Variants in COL24A1 observed in about 807,000 individuals in gnomAD.
COL24A1 encodes the protein collagen type XXIV alpha 1 chain.
COL24A1 carries 224 observed loss-of-function variants against 253.9 expected under a neutral mutation model. The observed-to-expected ratio is 0.88, with a 90% CI of 0.79 to 0.99. The LOEUF is 0.99. Among genes scored for constraint, COL24A1 ranks in the 50% least tolerant of loss-of-function variants. The pLI, the probability that COL24A1 is intolerant of heterozygous loss-of-function variation, is 0.00. For missense variants in COL24A1, 2,131 were observed against 2,068.5 expected, an observed-to-expected ratio of 1.03 and a Z score of -0.59; for synonymous variants, 685 against 673.7, an observed-to-expected ratio of 1.02 and a Z score of -0.26.
chr1:86,144,856 A>G (rs1199890225), intron 2 of COL24A1, among the ~76,000 whole-genome samples: 1 of 152,140 alleles, frequency 6.6e-6, no homozygotes, highest in Non-Finnish European at 1.5e-5. Context: ...CTAATAGCAC[A>G]GTGACTAGTA....
At chr1:85,744,890 G>A in intron 56 of COL24A1, 56 bp from the exon 57 acceptor site, 1 of 1,337,812 alleles carries the variant, frequency 7.5e-7, no homozygotes, top group African/African-American at 1.5e-5. Flanking sequence ...ACCAACATGG[G>A]CCAAGGCAGG....
At chr1:85,908,775 G>C (rs993949749) in intron 26 of COL24A1, 124 bp from the exon 27 acceptor site, 1 of 437,336 alleles carries the variant, frequency 2.3e-6, no homozygotes, top group African/African-American at 2.0e-5. Flanking sequence ...TGTTTCTTTT[G>C]TAACCAAGAT....
intron 26 of COL24A1, 77 bp downstream of exon 26, chr1:85,909,873 A>G: frequency 8.6e-7 from 1 of 1,160,848 alleles, no homozygotes; most frequent in Non-Finnish European, 1.3e-6. Flanking sequence ...ATTCCAGCCC[A>G]GGCAATTCCA....
chr1:86,066,569 G>A (rs938659222), intron 7 of COL24A1, among the ~76,000 whole-genome samples: 3 of 151,816 alleles, frequency 2.0e-5, no homozygotes, highest in East Asian at 1.9e-4. Flanking sequence ...CCCTTTCTAC[G>A]CAATCCGAAG....
intron 7 of COL24A1, among the ~76,000 whole-genome samples, chr1:86,083,287 G>A (rs1702805890): frequency 6.7e-6 from 1 of 149,574 alleles, no homozygotes; most frequent in Non-Finnish European, 1.5e-5. Flanking sequence ...GACAGAGCGA[G>A]GCTCCGTCTC....
intron 24 of COL24A1, among the ~76,000 whole-genome samples, chr1:85,944,205 T>C (rs1479611981): frequency 1.3e-5 from 2 of 152,224 alleles, no homozygotes; most frequent in Non-Finnish European, 2.9e-5. Flanking sequence ...ATGAGTGCAG[T>C]TATAAAGCTG....
At chr1:85,790,738 T>C (rs1215696655) in intron 47 of COL24A1, among the ~76,000 whole-genome samples, 1 of 152,224 alleles carries the variant, frequency 6.6e-6, no homozygotes, top group African/African-American at 2.4e-5. Flanking sequence ...TTAGGCACCA[T>C]GGAAAATGAA....
At chr1:85,758,884 G>A (rs925471763) in intron 55 of COL24A1, among the ~76,000 whole-genome samples, 5 of 152,052 alleles carry the variant, frequency 3.3e-5, no homozygotes, top group African/African-American at 1.2e-4. Context: ...ATACAATTCA[G>A]TTGTCTTTAG....
chr1:85,768,871 T>C (rs1667658341), intron 53 of COL24A1, among the ~76,000 whole-genome samples: 1 of 152,244 alleles, frequency 6.6e-6, no homozygotes, highest in Admixed American at 6.5e-5. Context: ...GTGTTAATTA[T>C]GTATCCGGTG....
At chr1:85,758,324 A>G (rs1666487256) in intron 55 of COL24A1, among the ~76,000 whole-genome samples, 2 of 152,172 alleles carry the variant, frequency 1.3e-5, no homozygotes, top group African/African-American at 4.8e-5. Context: ...CAGTTGACCC[A>G]TTAATTGGAA....
intron 1 of COL24A1, among the ~76,000 whole-genome samples, chr1:86,150,157 C>T (rs1364742498): frequency 6.6e-6 from 1 of 152,152 alleles, no homozygotes; most frequent in African/African-American, 2.4e-5. Context: ...TAAGTACACC[C>T]AAAGCCTAAT....
intron 5 of COL24A1, among the ~76,000 whole-genome samples, chr1:86,100,062 CA>C (rs1285205510): frequency 6.6e-6 from 1 of 152,024 alleles, no homozygotes; most frequent in Non-Finnish European, 1.5e-5. Flanking sequence ...TTCACAATAG[CA>C]AAGACTTGGA....
At chr1:85,986,365 T>A (rs980328345) in intron 20 of COL24A1, among the ~76,000 whole-genome samples, 3 of 151,748 alleles carry the variant, frequency 2.0e-5, no homozygotes, top group Admixed American at 1.3e-4. Flanking sequence ...CTTTAAACCA[T>A]CCTCCAAACT....
At position 85,776,962 on chromosome 1, in the gene COL24A1, T is replaced by TATTA. The variant is rs1375949792; in HGVS notation, c.4339-1254_4339-1253insTAAT. Among the ~76,000 whole-genome samples the TATTA allele has an allele frequency of 8.3e-3, 1,257 of 151,286 alleles. 7 individuals are homozygous for TATTA. The highest frequency in any genetic ancestry group is 0.02 in the Admixed American group (310 of 15,198). On this transcript the variant is annotated intron_variant, in intron 52 of 59. Coordinates refer to ENST00000370571, the MANE Select transcript of COL24A1 (RefSeq NM_152890.7). ...TTATTTATTTATTTACTTATTTTTTTTTTTTTGAGAAGGAGTCTCGCTCTG... is the reference window on the plus strand; with the variant it reads ...TTATTTATTTATTTACTTATTTTTTTATTATTTTTTGAGAAGGAGTCTCGCTCTG...
rs1045422622 is a variant in COL24A1 at position 85,729,296 on chromosome 1, T to G, written c.*1250A>C. On this transcript the variant is annotated 3_prime_UTR_variant, in exon 60 of 60. Transcript: ENST00000370571. Reference sequence around the variant, plus strand: ...TGGTTTGCTGTGGCTAAAGATATATTTATAATGGATGAACAAGCTTTTCTA... The same window carrying G: ...TGGTTTGCTGTGGCTAAAGATATATGTATAATGGATGAACAAGCTTTTCTA... 1 of 152,174 alleles carries G rather than the reference T, an allele frequency of 6.6e-6. No homozygotes were observed. The highest frequency in any genetic ancestry group is 1.5e-5 in the Non-Finnish European group (1 of 68,020). 9.4% of individuals were successfully genotyped at this position (152,174 alleles called of 1,614,324 possible). A position where few individuals can be genotyped will look rare whatever the true frequency, so the allele number is the denominator to read the frequency against.
chr1:85,808,593 CT>C (rs760567153), intron 47 of COL24A1, among the ~76,000 whole-genome samples: 14 of 152,178 alleles, frequency 9.2e-5, no homozygotes, highest in Non-Finnish European at 1.9e-4. Context: ...GAGCAGATAT[CT>C]TTATATTCTG....
chr1:85,965,286 A>G (rs893178293), intron 22 of COL24A1, among the ~76,000 whole-genome samples: 4 of 152,080 alleles, frequency 2.6e-5, no homozygotes, highest in Non-Finnish European at 4.4e-5. Flanking sequence ...CGAGGACTGC[A>G]CTGAACATAC....
intron 26 of COL24A1, among the ~76,000 whole-genome samples, chr1:85,909,703 C>A (rs1685183086): frequency 6.6e-6 from 1 of 151,844 alleles, no homozygotes. Context: ...TCTTTTTTAG[C>A]AAATTGTGGT....
intron 18 of COL24A1, among the ~76,000 whole-genome samples, chr1:86,021,330 A>G (rs1002257545): frequency 1.3e-5 from 2 of 152,144 alleles, no homozygotes; most frequent in Admixed American, 6.6e-5. Flanking sequence ...TTACCTTCAC[A>G]GAGTTGTAAT....
Sources: gnomAD v4.1 joint callset for allele counts (sites outside exome capture counted in the v4.1 genomes callset) on GRCh38, gnomAD v4.1.1 for gene constraint, MANE v1.5 for transcripts, NCBI Gene and HGNC (gene_info 2026-07-23, HGNC 2026-07-21) for gene names.